Variants in NCOA7 observed in about 807,000 individuals in gnomAD.
The protein encoded by NCOA7 is 140 kDa estrogen receptor-associated protein.
A neutral mutation model predicts 104.3 loss-of-function variants in NCOA7; 45 were observed. That is an observed-to-expected ratio of 0.43 (90% CI 0.34 to 0.55). The LOEUF (loss-of-function observed/expected upper bound fraction) is 0.55, where lower values mean the gene tolerates loss of function less well. NCOA7 is among the 20% of genes least tolerant of loss of function. The pLI is 0.02. For synonymous variants in NCOA7, 398 were observed against 402.3 expected, an observed-to-expected ratio of 0.99 and a Z score of 0.13; for missense variants, 1,041 against 1,119.7, an observed-to-expected ratio of 0.93 and a Z score of 1.00.
upstream of NCOA7, among the ~76,000 whole-genome samples, chr6:125,790,576 G>C (rs1460059526): frequency 1.3e-5 from 2 of 152,002 alleles, no homozygotes; most frequent in African/African-American, 4.8e-5. Context: ...GAGGTCGCGG[G>C]GGGCGGGGAG....
chr6:125,920,588 G>A (rs1407591), intron 11 of NCOA7, among the ~76,000 whole-genome samples: 149,785 of 152,322 alleles, frequency 0.98, 73,656 homozygotes, highest in East Asian at 1. Flanking sequence ...ATTTCTATAT[G>A]GAGATAGGGG....
chr6:125,878,226 C>A (rs1241432200), intron 4 of NCOA7, 37 bp from the exon 5 acceptor site: 1 of 1,429,086 alleles, frequency 7.0e-7, no homozygotes, highest in Non-Finnish European at 9.5e-7. Context: ...ATTTTTTTTG[C>A]TTTATTTATT....
Position 125,851,800 on chromosome 6 carries a change from G to A in NCOA7, c.51-3220G>A, listed in dbSNP as rs532398563. ...TAACAGCCATTCTGGCTAGAATAAG[G>A]TGGTATTTCATTGTGGTTTTTATTT... On this transcript the variant is annotated intron_variant, in intron 2 of 15. Transcript: ENST00000392477. Among the ~76,000 whole-genome samples the A allele has an allele frequency of 2.0e-5, 3 of 152,112 alleles. No individual in the cohort carries two copies. In the South Asian group the frequency reaches 6.2e-4, roughly 32 times the overall value.
intron 13 of NCOA7, among the ~76,000 whole-genome samples, chr6:125,926,479 A>C (rs1788045666): frequency 6.6e-6 from 1 of 152,192 alleles, no homozygotes; most frequent in African/African-American, 2.4e-5. Flanking sequence ...CCATGCTTTT[A>C]AAAATAGATG....
At chr6:125,855,267 A>G (rs753582794) in intron 3 of NCOA7, 27 bp downstream of exon 3, 18 of 1,502,904 alleles carry the variant, frequency 1.2e-5, no homozygotes, top group Admixed American at 7.3e-5. Flanking sequence ...TTACTGCAGT[A>G]TTTTCATTTA....
At chr6:125,787,592 A>G (rs189096852), upstream of NCOA7, among the ~76,000 whole-genome samples, 1 of 152,328 alleles carries the variant, frequency 6.6e-6, no homozygotes, top group East Asian at 1.9e-4. Flanking sequence ...TTATTCCTGC[A>G]AAAGTTAAAT....
At chr6:125,923,607 C>CT (rs1482376200) in intron 13 of NCOA7, among the ~76,000 whole-genome samples, 4 of 152,190 alleles carry the variant, frequency 2.6e-5, no homozygotes, top group African/African-American at 9.7e-5. Context: ...AGAAATTCCT[C>CT]TAAGATTTTA....
intron 6 of NCOA7, 56 bp from the exon 7 acceptor site, chr6:125,882,370 C>T (rs1184022085): frequency 7.6e-6 from 12 of 1,575,124 alleles, no homozygotes; most frequent in Admixed American, 1.8e-5. Flanking sequence ...GATTTATACA[C>T]ATAATTTGTT....
At position 125,822,974 on chromosome 6, in the gene NCOA7, G is replaced by A. The variant is rs372949717; in HGVS notation, c.50+7570G>A. ...AACAACAAAAAAAAACATGCTGTTA[G>A]CATCATAATGTGATAAATAGAAAAA... On this transcript the variant is annotated intron_variant, in intron 2 of 15. Transcript: ENST00000392477. Among the ~76,000 whole-genome samples, 649 of 136,854 alleles carry A rather than the reference G, an allele frequency of 4.7e-3. 6 individuals carry two copies. The highest frequency in any genetic ancestry group is 0.017 in the African/African-American group (634 of 38,026). 89.8% of individuals were successfully genotyped at this position (136,854 alleles called of 152,430 possible).
chr6:125,796,538 A>G (rs918310616), intron 1 of NCOA7: 2 of 151,898 alleles, frequency 1.3e-5, no homozygotes, highest in Admixed American at 6.6e-5. Context: ...AAATACCCCA[A>G]TTCAATGTAA....
In NCOA7 at chr6:125,889,127, C is replaced by T. The variant is rs1294046776; in HGVS notation, c.1073C>T (p.Thr358Ile). The change falls in exon 9 of 16, where the codon ACA becomes ATA. Residue 358 changes from threonine (T) to isoleucine (I), a missense_variant. Physicochemically the swap from Thr to Ile is moderately conservative, Grantham distance 89. Around this residue, in one of 2 missense-constraint regions of NCOA7, gnomAD observed 914 missense variants for 942.7 expected, o/e 0.97. Coordinates refer to ENST00000392477, the MANE Select transcript of NCOA7 (RefSeq NM_181782.5). ...IVPLEKSTGH[T>I]PTKPSGSSVS... ...CCTTTGGAGAAGTCCACAGGACATA[C>T]ACCTACAAAGCCCTCAGGCAGCTCT... The T allele has an allele frequency of 1.2e-6, 2 of 1,614,128 alleles. No homozygotes were observed. Among genetic ancestry groups the T allele is most frequent in the Admixed American group, 1.7e-5 (1 of 60,018 alleles).
chr6:125,917,745 G>T (rs1453173881), intron 11 of NCOA7, among the ~76,000 whole-genome samples: 1 of 152,192 alleles, frequency 6.6e-6, no homozygotes, highest in African/African-American at 2.4e-5. Flanking sequence ...AAAGTGGGCT[G>T]GAGAGGAAGG....
At chr6:125,825,209 A>C (rs611088) in intron 2 of NCOA7, among the ~76,000 whole-genome samples, 100,256 of 149,922 alleles carry the variant, frequency 0.67, 34,408 homozygotes, top group East Asian at 0.88. Flanking sequence ...ACATGACAGC[A>C]CATGCCTGTA....
At chr6:125,854,922 G>A (rs950207022) in intron 2 of NCOA7, 98 bp from the exon 3 acceptor site, 1 of 746,660 alleles carries the variant, frequency 1.3e-6, no homozygotes, top group Non-Finnish European at 2.2e-6. Context: ...TTCTGTATCA[G>A]TTCATTAGTT....
intron 11 of NCOA7, chr6:125,919,374 A>T (rs778819024): frequency 6.2e-7 from 1 of 1,612,812 alleles, no homozygotes; most frequent in Non-Finnish European, 8.5e-7. Flanking sequence ...GCCAAAGATT[A>T]CCCTTGGACA....
chr6:125,851,027 G>C (rs1194600850), intron 2 of NCOA7, among the ~76,000 whole-genome samples: 1 of 152,124 alleles, frequency 6.6e-6, no homozygotes, highest in Non-Finnish European at 1.5e-5. Flanking sequence ...TTAAAATCAG[G>C]ATAGAAAATA....
intron 1 of NCOA7, among the ~76,000 whole-genome samples, chr6:125,801,121 T>G (rs1775850739): frequency 6.6e-6 from 1 of 152,184 alleles, no homozygotes; most frequent in African/African-American, 2.4e-5. Flanking sequence ...TAGTGTAAAA[T>G]TGCTATAGAA....
chr6:125,867,701 G>A (rs568575317), intron 3 of NCOA7, among the ~76,000 whole-genome samples: 81 of 152,204 alleles, frequency 5.3e-4, no homozygotes, highest in Non-Finnish European at 9.1e-4. Flanking sequence ...CATTAGGTTC[G>A]CCTCTATGTT....
rs776007950 is a variant in NCOA7 at position 125,864,319 on chromosome 6, C to T, written c.271+9079C>T. On this transcript the variant is annotated intron_variant, in intron 3 of 15. Transcript: ENST00000392477. ...TTGACAATAGTTACTGATTATGATT[C>T]CATTTTTGTTTAAAAAAATAATTCA... Among the ~76,000 whole-genome samples, 10 of 137,408 alleles carry T rather than the reference C, an allele frequency of 7.3e-5. 1 individual carries two copies. The highest frequency in any genetic ancestry group is 1.5e-4 in the Non-Finnish European group (10 of 64,788). The allele number at this position is 137,408 out of a possible 152,430, so 90.1% of individuals were successfully genotyped here.
Sources: allele counts gnomAD v4.1 joint callset (sites outside exome capture counted in the v4.1 genomes callset), GRCh38; gene constraint gnomAD v4.1.1; regional missense constraint gnomAD v4.1.1; transcripts MANE v1.5; gene names NCBI Gene and HGNC (gene_info 2026-07-23, HGNC 2026-07-21).